The following TFAP2D variants were observed in gnomAD, a reference collection of about 807,000 sequenced individuals.
TFAP2D encodes the protein transcription factor AP-2 delta.
TFAP2D carries 9 observed loss-of-function variants against 43.6 expected under a neutral mutation model. The observed-to-expected ratio is 0.21, with a 90% CI of 0.12 to 0.36. The LOEUF is 0.36. TFAP2D is among the 10% of genes least tolerant of loss of function. TFAP2D has a pLI of 1.00. For missense variants in TFAP2D, 513 were observed against 561.4 expected, an observed-to-expected ratio of 0.91 and a Z score of 0.87; for synonymous variants, 256 against 224.9, an observed-to-expected ratio of 1.14 and a Z score of -1.24.
intron 5 of TFAP2D, among the ~76,000 whole-genome samples, chr6:50,742,615 TA>T (rs199587231): frequency 1.4e-5 from 2 of 145,598 alleles, no homozygotes; most frequent in East Asian, 2.0e-4. Flanking sequence ...GATAGATAGA[TA>T]GATAGATAGA....
intron 7 of TFAP2D, among the ~76,000 whole-genome samples, chr6:50,764,334 A>G (rs1769411012): frequency 6.6e-6 from 1 of 152,198 alleles, no homozygotes; most frequent in South Asian, 2.1e-4. Flanking sequence ...TTAATCTTTC[A>G]TATGCTAACA....
intron 3 of TFAP2D, among the ~76,000 whole-genome samples, chr6:50,721,285 T>C (rs1768719708): frequency 6.6e-6 from 1 of 152,246 alleles, no homozygotes; most frequent in African/African-American, 2.4e-5. Context: ...GGTTTACGTC[T>C]GTCTTGTTTG....
chr6:50,747,704 T>C (rs1769144034), intron 6 of TFAP2D, among the ~76,000 whole-genome samples: 2 of 152,036 alleles, frequency 1.3e-5, no homozygotes, highest in South Asian at 4.1e-4. Flanking sequence ...CGAGATTGTG[T>C]TTTAATAGAA....
In TFAP2D at chr6:50,738,291, T is replaced by C. The variant is rs143302401; in HGVS notation, c.884-6816T>C. Among the ~76,000 whole-genome samples the C allele has an allele frequency of 3.3e-3, 497 of 152,280 alleles. 4 individuals carry two copies. The highest frequency in any genetic ancestry group is 0.011 in the African/African-American group (458 of 41,580). On this transcript the variant is annotated intron_variant, in intron 5 of 7. Coordinates refer to ENST00000008391, the MANE Select transcript of TFAP2D (RefSeq NM_172238.4). ...AATTGGCTTATTAAATGTTAGTATGTCTTTCATATGACTTACTTTCATTTT... is the reference window on the plus strand; with the variant it reads ...AATTGGCTTATTAAATGTTAGTATGCCTTTCATATGACTTACTTTCATTTT...
rs763018088 is a variant in TFAP2D, at chr6:50,766,654, CTTT to C, written c.1140-5968_1140-5966del. 3.1e-3 allele frequency among the ~76,000 whole-genome samples: 175 copies of C among 57,356 alleles called. 1 individual carries two copies. The East Asian group carries it at 0.072, about 24-fold the overall frequency. 37.6% of individuals were successfully genotyped at this position (57,356 alleles called of 152,430 possible). A position where few individuals can be genotyped will look rare whatever the true frequency, so the allele number is the denominator to read the frequency against. ...CCTTTTGATACCATGAGATTGCTTTCTTTTTTTTTTTTTTTTTTTTTTTTTGAG... is the reference window on the plus strand; with the variant it reads ...CCTTTTGATACCATGAGATTGCTTTCTTTTTTTTTTTTTTTTTTTTTTGAG... On this transcript the variant is annotated intron_variant, in intron 7 of 7. Coordinates refer to ENST00000008391, the MANE Select transcript of TFAP2D (RefSeq NM_172238.4).
intron 3 of TFAP2D, among the ~76,000 whole-genome samples, chr6:50,726,924 TG>T (rs1279912192): frequency 1.3e-5 from 2 of 152,184 alleles, no homozygotes; most frequent in Non-Finnish European, 2.9e-5. Context: ...CTAAAGCAGG[TG>T]TTTACATGGT....
intron 5 of TFAP2D, among the ~76,000 whole-genome samples, chr6:50,730,546 G>A (rs940495286): frequency 1.3e-5 from 2 of 152,070 alleles, no homozygotes; most frequent in Non-Finnish European, 2.9e-5. Flanking sequence ...ATTCCAAAGG[G>A]AGACAGATTT....
chr6:50,750,623 T>G (rs1295372009), intron 6 of TFAP2D, among the ~76,000 whole-genome samples: 1 of 151,906 alleles, frequency 6.6e-6, no homozygotes, highest in Non-Finnish European at 1.5e-5. Flanking sequence ...AAAGTTACCT[T>G]GAGGGTAATT....
chr6:50,773,032 CAAAAAAAAAA>C (rs1032840461), exon 8 of TFAP2D: 4 of 470,292 alleles, frequency 8.5e-6, no homozygotes, highest in African/African-American at 8.6e-5. Context: ...AGGACAAAAC[CAAAAAAAAAA>C]GAAAAAAAAA....
At chr6:50,720,054 C>A (rs539815321) in intron 3 of TFAP2D, among the ~76,000 whole-genome samples, 4 of 152,194 alleles carry the variant, frequency 2.6e-5, no homozygotes, top group Non-Finnish European at 5.9e-5. Context: ...GTAACCCGAG[C>A]AGCACACAAG....
chr6:50,720,680 A>G (rs758566749), intron 3 of TFAP2D, among the ~76,000 whole-genome samples: 1 of 152,180 alleles, frequency 6.6e-6, no homozygotes, highest in Non-Finnish European at 1.5e-5. Flanking sequence ...GGAGGAGGCA[A>G]AAAAGATTTA....
intron 1 of TFAP2D, among the ~76,000 whole-genome samples, chr6:50,714,646 AG>A (rs1768583828): frequency 6.6e-6 from 1 of 152,154 alleles, no homozygotes. Context: ...CGGCATAGAC[AG>A]GCGCAGAATT....
At position 50,772,993 on chromosome 6, in the gene TFAP2D, A is replaced by G. The variant is rs999989766; in HGVS notation, c.*129A>G. 3 of 863,844 alleles carry G rather than the reference A, an allele frequency of 3.5e-6. No homozygotes were observed. The highest frequency in any genetic ancestry group is 5.0e-6 in the Non-Finnish European group (3 of 595,646). 53.5% of individuals were successfully genotyped at this position (863,844 alleles called of 1,614,324 possible). A position where few individuals can be genotyped will look rare whatever the true frequency, so the allele number is the denominator to read the frequency against. On this transcript the variant is annotated 3_prime_UTR_variant, in exon 8 of 8. Coordinates refer to ENST00000008391, the MANE Select transcript of TFAP2D (RefSeq NM_172238.4). ...CTTCCCCAACCCTCCATAAAAAAAC[A>G]AAAATGGAAATGAAAAATGAAACAA...
At chr6:50,725,776 A>G (rs937654456) in intron 3 of TFAP2D, among the ~76,000 whole-genome samples, 1 of 152,156 alleles carries the variant, frequency 6.6e-6, no homozygotes, top group Non-Finnish European at 1.5e-5. Flanking sequence ...TTGACCTACT[A>G]CTTTTTTCCA....
rs770537315 is a variant in TFAP2D, at chr6:50,772,685, G to A, written c.1180G>A (p.Ala394Thr). 3.1e-6 allele frequency: 5 copies of A among 1,613,962 alleles called. No homozygotes were observed. In the African/African-American group the frequency reaches 6.7e-5, roughly 22 times the overall value. Residue 394 changes from alanine (A) to threonine (T), a missense_variant, in exon 8 of 8, where the codon GCT becomes ACT. Transcript: ENST00000008391. The stretch of plus-strand genomic sequence containing the variant: ...CTTTGGGACTCCGGCAATATGTGCA[G>A]CTCTAAGCACTTTCCAAACAGTTCT... Reference protein sequence around the residue: ...HGFGTPAICAALSTFQTVLSE... With the variant: ...HGFGTPAICATLSTFQTVLSE...
intron 3 of TFAP2D, among the ~76,000 whole-genome samples, chr6:50,719,672 G>C (rs977020108): frequency 6.6e-6 from 1 of 152,296 alleles, no homozygotes; most frequent in Non-Finnish European, 1.5e-5. Flanking sequence ...CTTCAGGGGA[G>C]GCTAATGAAA....
intron 5 of TFAP2D, among the ~76,000 whole-genome samples, chr6:50,735,028 A>T (rs545796529): frequency 6.6e-6 from 1 of 152,260 alleles, no homozygotes; most frequent in Non-Finnish European, 1.5e-5. Flanking sequence ...TTGTCTGAGC[A>T]TAAGTGTCCT....
At chr6:50,719,194 C>T in intron 3 of TFAP2D, 44 bp downstream of exon 3, 2 of 1,579,910 alleles carry the variant, frequency 1.3e-6, no homozygotes, top group Non-Finnish European at 1.7e-6. Context: ...CATTCTTCTC[C>T]TATCTCTTAC....
chr6:50,715,014 G>T, intron 1 of TFAP2D, 102 bp from the exon 2 acceptor site: 1 of 1,463,514 alleles, frequency 6.8e-7, no homozygotes, highest in Non-Finnish European at 9.2e-7. Context: ...GCTTTCCTTG[G>T]AGTGCCAGAG....
Sources: gnomAD v4.1 joint callset for allele counts (sites outside exome capture counted in the v4.1 genomes callset) on GRCh38, gnomAD v4.1.1 for gene constraint, MANE v1.5 for transcripts, NCBI Gene and HGNC (gene_info 2026-07-23, HGNC 2026-07-21) for gene names.